JAG2: variants seen among roughly 807,000 people sequenced by gnomAD.
The protein encoded by JAG2 is jagged canonical Notch ligand 2.
A neutral mutation model predicts 141.7 loss-of-function variants in JAG2; 46 were observed. That is an observed-to-expected ratio of 0.32 (90% CI 0.26 to 0.42). The LOEUF is 0.42. Among genes scored for constraint, JAG2 ranks in the 10% least tolerant of loss-of-function variants. The probability of loss-of-function intolerance (pLI) is 1.00; values close to 1 mark genes in which losing one functional copy is unlikely to be tolerated. For synonymous variants in JAG2, 862 were observed against 763.5 expected (o/e 1.13, Z -2.13); for missense variants, 1,500 against 1,817.5 (o/e 0.83, Z 3.18).
rs1473186699 is a variant in JAG2, at chr14:105,143,344, C to A, written c.3241+138G>T. The A allele has an allele frequency of 3.1e-6, 4 of 1,289,180 alleles. No individual in the cohort carries two copies. The African/African-American group carries it at 4.4e-5, about 14-fold the overall frequency. The allele number at this position is 1,289,180 out of a possible 1,614,324, so 79.9% of individuals were successfully genotyped here. A position where few individuals can be genotyped will look rare whatever the true frequency, so the allele number is the denominator to read the frequency against. On this transcript the variant is annotated intron_variant, in intron 25 of 25. Coordinates refer to ENST00000331782, the MANE Select transcript of JAG2 (RefSeq NM_002226.5). ...GGGCTGGGAAGGTCAGGTTGTGGGG[C>A]TGGGCGGCTGGGGCAGCAGGTGCCA...
At chr14:105,146,245 T>TCG in intron 22 of JAG2, 140 bp downstream of exon 22, 2 of 838,800 alleles carry the variant, frequency 2.4e-6, no homozygotes, top group Non-Finnish European at 3.9e-6. Flanking sequence ...GGCTGAGCTC[T>TCG]CGCCTCCCTG....
In JAG2 at chr14:105,149,033, C is replaced by T. The variant is rs201468009; in HGVS notation, c.1810G>A (p.Gly604Ser). The T allele has an allele frequency of 5.4e-5, 86 of 1,607,374 alleles. No homozygotes were observed. Among genetic ancestry groups the T allele is most frequent in the Admixed American group, 4.0e-4 (24 of 59,510 alleles). Residue 604 changes from glycine to serine, a missense_variant, in exon 14 of 26, where the codon GGC becomes AGC. Around this residue, in one of 3 missense-constraint regions of JAG2, gnomAD observed 875 missense variants for 1,202.2 expected, o/e 0.73. Transcript: ENST00000331782. ...CAGCGTCCATGGGGGCCACACACGC[C>T]GGAGGCTGCTGTGCCAGGCATCCCA... is the stretch of plus-strand genomic sequence containing the variant. ...GPGMPGTAASGVCGPHGRCVS... is the reference protein window; with the variant it reads ...GPGMPGTAASSVCGPHGRCVS...
In JAG2 at chr14:105,166,544, G is replaced by A. The variant is rs1241335525; in HGVS notation, c.417+1213C>T. Among the ~76,000 whole-genome samples the A allele has an allele frequency of 5.3e-5, 8 of 152,250 alleles. No individual in the cohort carries two copies. The South Asian group carries it at 1.2e-3, about 24-fold the overall frequency. ...AAGGGATACTCGGCGGGGTGCTCAC[G>A]GGTTGAGGACATGGCCAGAGGAGAC... On this transcript the variant is annotated intron_variant, in intron 2 of 25. Coordinates refer to ENST00000331782, the MANE Select transcript of JAG2 (RefSeq NM_002226.5).
chr14:105,152,110 C>T (rs1307502889), intron 6 of JAG2, 51 bp downstream of exon 6: 3 of 1,613,434 alleles, frequency 1.9e-6, no homozygotes, highest in Non-Finnish European at 2.5e-6. Context: ...CGCTCCCCCA[C>T]AACCCACACT....
chr14:105,149,410 TG>T, intron 12 of JAG2, 90 bp from the exon 13 acceptor site: 3 of 1,556,502 alleles, frequency 1.9e-6, no homozygotes, highest in Non-Finnish European at 2.6e-6. Flanking sequence ...GGTAGATCCC[TG>T]GGGACCCCCA....
At position 105,148,332 on chromosome 14, in the gene JAG2, G is replaced by C. The variant is rs767265013; in HGVS notation, c.2128C>G (p.His710Asp). 1 of 1,608,098 alleles carries C rather than the reference G, an allele frequency of 6.2e-7. No homozygotes were observed. The highest frequency in any genetic ancestry group is 1.7e-5 in the Admixed American group (1 of 59,634). ...CDDGWKGKTC[H>D]SREFQCDAYT... Reference sequence around the variant, plus strand: ...AGGGCCTGCGGACACTCACGTGAGTGGCAGGTCTTGCCCTTCCAGCCGTCG... The same window carrying C: ...AGGGCCTGCGGACACTCACGTGAGTCGCAGGTCTTGCCCTTCCAGCCGTCG... The change falls in exon 16 of 26, where the codon CAC becomes GAC. Residue 710 changes from histidine to aspartate, a missense_variant. Physicochemically the swap from His to Asp is moderately conservative, Grantham distance 81 (BLOSUM62 -1). Coordinates refer to ENST00000331782, the MANE Select transcript of JAG2 (RefSeq NM_002226.5).
At chr14:105,160,629 G>A (rs1397086426) in intron 2 of JAG2, among the ~76,000 whole-genome samples, 9 of 152,016 alleles carry the variant, frequency 5.9e-5, no homozygotes, top group African/African-American at 1.7e-4. Flanking sequence ...TTAAGAGGCT[G>A]AGGCAGGCAG....
chr14:105,152,118 A>G (rs1241083097), intron 6 of JAG2, 43 bp downstream of exon 6: 1 of 1,613,402 alleles, frequency 6.2e-7, no homozygotes, highest in Admixed American at 1.7e-5. Context: ...CACAACCCAC[A>G]CTTCGATGGC....
At chr14:105,152,129 A>T in intron 6 of JAG2, 32 bp downstream of exon 6, 1 of 1,613,512 alleles carries the variant, frequency 6.2e-7, no homozygotes, top group East Asian at 2.2e-5. Context: ...CTTCGATGGC[A>T]GAGCATTAGG....
intron 3 of JAG2, among the ~76,000 whole-genome samples, chr14:105,157,360 G>C (rs1242929689): frequency 6.6e-6 from 1 of 152,216 alleles, no homozygotes; most frequent in Non-Finnish European, 1.5e-5. Flanking sequence ...CTCAGGGAGA[G>C]GGCCACCAAG....
rs377350298 is a variant in JAG2 at position 105,142,973 on chromosome 14, C to T, written c.3439G>A (p.Val1147Met). 6.1e-5 allele frequency: 98 copies of T among 1,610,198 alleles called. No individual in the cohort carries two copies. In the African/African-American group the frequency reaches 6.1e-4, roughly 10 times the overall value. The change falls in exon 26 of 26, where the codon GTG (valine) becomes ATG (methionine). Residue 1147 changes from valine to methionine, a missense_variant. Val to Met is a conservative substitution (Grantham distance 21, BLOSUM62 1). Transcript: ENST00000331782. ...GTGAAGTTCTTGCACTGGTAGAGCA[C>T]GTCCTTGTGGCCCCCCGGCCGCTCA... ...PIERPGGHKDVLYQCKNFTPP... is the reference protein window; with the variant it reads ...PIERPGGHKDMLYQCKNFTPP...
intron 23 of JAG2, 46 bp from the exon 24 acceptor site, chr14:105,145,107 T>C: frequency 7.5e-6 from 12 of 1,604,688 alleles, no homozygotes; most frequent in Non-Finnish European, 1.0e-5. Flanking sequence ...GCCGTGAACC[T>C]GACACCTACA....
Position 105,142,522 on chromosome 14 carries a change from T to C in JAG2, c.*173A>G. 1 of 602,468 alleles carries C rather than the reference T, an allele frequency of 1.7e-6. No individual in the cohort carries two copies. Among genetic ancestry groups the C allele is most frequent in the Non-Finnish European group, 2.9e-6 (1 of 342,120 alleles). 37.3% of individuals were successfully genotyped at this position (602,468 alleles called of 1,614,324 possible). A position where few individuals can be genotyped will look rare whatever the true frequency, so the allele number is the denominator to read the frequency against. On this transcript the variant is annotated 3_prime_UTR_variant, in exon 26 of 26. Coordinates refer to ENST00000331782, the MANE Select transcript of JAG2 (RefSeq NM_002226.5). Reference sequence around the variant, plus strand: ...CCATTGTTTTCAGCCTGACAGTTACTGAATAATTTATACAAGGTTAAAGAA... The same window carrying C: ...CCATTGTTTTCAGCCTGACAGTTACCGAATAATTTATACAAGGTTAAAGAA...
At chr14:105,168,160 G>GCCC in intron 1 of JAG2, 53 bp from the exon 2 acceptor site, 1 of 1,411,426 alleles carries the variant, frequency 7.1e-7, no homozygotes, top group African/African-American at 1.5e-5. Context: ...GGGTCGGCGG[G>GCCC]CCGGGCGCCA....
Position 105,142,644 on chromosome 14 carries a change from G to T in JAG2, c.*51C>A. On this transcript the variant is annotated 3_prime_UTR_variant, in exon 26 of 26. Coordinates refer to ENST00000331782, the MANE Select transcript of JAG2 (RefSeq NM_002226.5). ...GCCTCGGCCTCCGGGTCCGGCAGAC[G>T]GCATGGCTCCCACCGAGGGCCCTGG... The T allele has an allele frequency of 1.4e-6, 2 of 1,417,826 alleles. No individual in the cohort carries two copies. Among genetic ancestry groups the T allele is most frequent in the South Asian group, 1.2e-5 (1 of 81,822 alleles). The allele number at this position is 1,417,826 out of a possible 1,614,324, so 87.8% of individuals were successfully genotyped here. A position where few individuals can be genotyped will look rare whatever the true frequency, so the allele number is the denominator to read the frequency against.
At position 105,148,167 on chromosome 14, in the gene JAG2, T is replaced by C; in HGVS notation, c.2197A>G (p.Thr733Ala). ...CCGGGGGGGCAGGCGCAGCGGAAGG[T>C]GTCGCCGCTGTCGTAGCAGGTGCCA... ...NGGTCYDSGD[T>A]FRCACPPGWK... The change falls in exon 17 of 26, where the codon ACC becomes GCC. Residue 733 changes from threonine (T) to alanine (A), a missense_variant. Physicochemically the swap from Thr to Ala is moderately conservative, Grantham distance 58 (BLOSUM62 0). Coordinates refer to ENST00000331782, the MANE Select transcript of JAG2 (RefSeq NM_002226.5). 6.5e-7 allele frequency: 1 copy of C among 1,548,974 alleles called. No homozygotes were observed. The highest frequency in any genetic ancestry group is 1.2e-5 in the South Asian group (1 of 84,106).
intron 3 of JAG2, 72 bp downstream of exon 3, chr14:105,157,634 C>CAGAGG: frequency 1.5e-6 from 2 of 1,336,728 alleles, no homozygotes; most frequent in South Asian, 2.5e-5. Flanking sequence ...CCCAAGCAGA[C>CAGAGG]AGAGGAGCTG....
At chr14:105,155,434 C>T (rs1487744790) in intron 5 of JAG2, 128 bp downstream of exon 5, 15 of 1,039,362 alleles carry the variant, frequency 1.4e-5, no homozygotes, top group Admixed American at 5.1e-5. Flanking sequence ...GCTCAGGGCC[C>T]GGCTCTCACA....
At chr14:105,150,541 G>T in intron 12 of JAG2, 63 bp downstream of exon 12, 1 of 1,474,378 alleles carries the variant, frequency 6.8e-7, no homozygotes, top group Non-Finnish European at 9.1e-7. Context: ...ATGGTCAGGG[G>T]ACGAGGCCTG....
Sources: gnomAD v4.1 joint callset for allele counts (sites outside exome capture counted in the v4.1 genomes callset) on GRCh38, gnomAD v4.1.1 for gene constraint, gnomAD v4.1.1 regional missense constraint, MANE v1.5 for transcripts, NCBI Gene and HGNC (gene_info 2026-07-23, HGNC 2026-07-21) for gene names.